Variants in DNAI7 observed in about 807,000 individuals in gnomAD.
The protein encoded by DNAI7 is dynein axonemal intermediate chain 7, also known as cancer susceptibility 1.
In DNAI7, 78 loss-of-function variants were observed where a neutral mutation model predicts 86.6. The observed-to-expected ratio is 0.90, with a 90% CI of 0.75 to 1.09. DNAI7 has a LOEUF of 1.09. DNAI7 is among the 50% of genes least tolerant of loss of function. The probability of loss-of-function intolerance (pLI) is 0.00; values close to 1 mark genes in which losing one functional copy is unlikely to be tolerated. For missense variants in DNAI7, 753 were observed against 810.2 expected, an observed-to-expected ratio of 0.93 and a Z score of 0.86; for synonymous variants, 274 against 273.0, an observed-to-expected ratio of 1.00 and a Z score of -0.04.
At chr12:25,136,689 C>G (rs908057199) in intron 9 of DNAI7, among the ~76,000 whole-genome samples, 3 of 151,968 alleles carry the variant, frequency 2.0e-5, no homozygotes, top group Admixed American at 2.0e-4. Flanking sequence ...AAAAAAATCT[C>G]CAGAGAAATA....
At chr12:25,135,855 C>G (rs1943486012) in intron 9 of DNAI7, among the ~76,000 whole-genome samples, 1 of 151,978 alleles carries the variant, frequency 6.6e-6, no homozygotes, top group African/African-American at 2.4e-5. Flanking sequence ...GCAACCCCCG[C>G]CCAAGGAGAG....
intron 12 of DNAI7, among the ~76,000 whole-genome samples, chr12:25,118,425 C>T (rs1477078958): frequency 6.6e-6 from 1 of 151,456 alleles, no homozygotes; most frequent in Non-Finnish European, 1.5e-5. Context: ...CACCACGCCC[C>T]GCTCATTTTC....
intron 3 of DNAI7, among the ~76,000 whole-genome samples, chr12:25,160,324 G>T (rs991223915): frequency 6.6e-6 from 1 of 152,134 alleles, no homozygotes; most frequent in African/African-American, 2.4e-5. Context: ...TCTCTTCAAA[G>T]AATTAATATG....
At chr12:25,150,529 G>A (rs10082745) in intron 6 of DNAI7, among the ~76,000 whole-genome samples, 6,381 of 148,554 alleles carry the variant, frequency 0.043, 452 homozygotes, top group African/African-American at 0.14. Flanking sequence ...GTGTGAACCC[G>A]GGAGGCGGAG....
chr12:25,116,936 CTTA>C (rs540537040), intron 12 of DNAI7, among the ~76,000 whole-genome samples: 5 of 151,980 alleles, frequency 3.3e-5, no homozygotes, highest in Non-Finnish European at 7.4e-5. Flanking sequence ...GGTTTTTTAA[CTTA>C]TTTTTTATTT....
intron 12 of DNAI7, among the ~76,000 whole-genome samples, chr12:25,118,315 G>GTA (rs1307077505): frequency 6.6e-6 from 1 of 151,976 alleles, no homozygotes; most frequent in African/African-American, 2.4e-5. Flanking sequence ...CCAGACTGGA[G>GTA]TACAGTGGCG....
chr12:25,133,154 A>ATT (rs74643470), intron 9 of DNAI7, among the ~76,000 whole-genome samples: 85 of 143,976 alleles, frequency 5.9e-4, no homozygotes, highest in Admixed American at 1.2e-3. Context: ...TAAAACTGTG[A>ATT]TTTTTTTTTT....
At chr12:25,134,352 C>CAT (rs766442145) in intron 9 of DNAI7, among the ~76,000 whole-genome samples, 2,420 of 91,140 alleles carry the variant, frequency 0.027, 94 homozygotes, top group African/African-American at 0.096. Context: ...CCTTGGCGTA[C>CAT]TTTTTTTTTT....
chr12:25,135,013 G>A (rs1017283093), intron 9 of DNAI7, among the ~76,000 whole-genome samples: 1 of 152,210 alleles, frequency 6.6e-6, no homozygotes, highest in Non-Finnish European at 1.5e-5. Context: ...AGAACAGTGA[G>A]TGTATGGAGA....
chr12:25,130,756 C>T (rs1475449347), intron 9 of DNAI7, among the ~76,000 whole-genome samples: 1 of 152,012 alleles, frequency 6.6e-6, no homozygotes, highest in Admixed American at 6.6e-5. Context: ...CACAAATGTG[C>T]TACACTTAAA....
rs1172754967 is a variant in DNAI7 at position 25,114,859 on chromosome 12, T to C, written c.1408A>G (p.Arg470Gly). The change falls in exon 13 of 16, where the codon AGA (arginine) becomes GGA (glycine). Residue 470 changes from arginine to glycine, a missense_variant. Physicochemically the swap from Arg to Gly is moderately radical, Grantham distance 125. Transcript: ENST00000395987. ...GATACATTGCTGATGCCATCAGTTCTCCAATGTTTACCTTTATAATTGATG... is the reference window on the plus strand; with the variant it reads ...GATACATTGCTGATGCCATCAGTTCCCCAATGTTTACCTTTATAATTGATG... ...VRWDAEGKHW[R>G]TDGISNVSYK... 1.7e-5 allele frequency: 27 copies of C among 1,611,386 alleles called. No homozygotes were observed. Among genetic ancestry groups the C allele is most frequent in the Non-Finnish European group, 2.3e-5 (27 of 1,177,646 alleles).
chr12:25,152,781 T>C (rs557128909), intron 6 of DNAI7, among the ~76,000 whole-genome samples: 1 of 152,292 alleles, frequency 6.6e-6, no homozygotes, highest in Admixed American at 6.5e-5. Flanking sequence ...CAGCACTGGA[T>C]CGAAGGACAC....
At chr12:25,125,563 G>A (rs1292647361) in intron 9 of DNAI7, among the ~76,000 whole-genome samples, 1 of 152,130 alleles carries the variant, frequency 6.6e-6, no homozygotes, top group African/African-American at 2.4e-5. Flanking sequence ...TCTGCAGGCT[G>A]TTTACTCTGT....
intron 13 of DNAI7, among the ~76,000 whole-genome samples, chr12:25,113,738 A>G (rs1398800087): frequency 6.6e-6 from 1 of 152,164 alleles, no homozygotes; most frequent in African/African-American, 2.4e-5. Flanking sequence ...TTTCAAGTGT[A>G]TAATTCAATG....
intron 6 of DNAI7, among the ~76,000 whole-genome samples, chr12:25,152,739 G>T (rs12227966): frequency 0.28 from 42,522 of 151,966 alleles, 6,869 homozygotes; most frequent in African/African-American, 0.46. Context: ...TTTGTGGGAC[G>T]GGGGTCTGCA....
chr12:25,159,129 A>G (rs1946550299), intron 3 of DNAI7, among the ~76,000 whole-genome samples: 1 of 152,234 alleles, frequency 6.6e-6, no homozygotes, highest in South Asian at 2.1e-4. Context: ...ATAAAGACAC[A>G]TGACTCCCAG....
chr12:25,120,879 G>GTCC (rs1941192420), intron 11 of DNAI7, among the ~76,000 whole-genome samples: 1 of 152,176 alleles, frequency 6.6e-6, no homozygotes, highest in South Asian at 2.1e-4. Flanking sequence ...GGCATCATGT[G>GTCC]GACTGGTGAT....
chr12:25,174,674 TATATCATATATATATGGAATATAG>T lies in DNAI7; in HGVS notation c.22-13501_22-13478del, dbSNP rs1565813496. ...ATAGATATCATATATATGGAATATA[TATATCATATATATATGGAATATAG>T]ATATCATACATATGGAATATATATA... is the stretch of plus-strand genomic sequence containing the variant. On this transcript the variant is annotated intron_variant, in intron 2 of 15. Coordinates refer to ENST00000395987, the MANE Select transcript of DNAI7 (RefSeq NM_018272.5). Among the ~76,000 whole-genome samples the T allele has an allele frequency of 2.2e-4, 14 of 64,650 alleles. 2 individuals are homozygous for T. The highest frequency in any genetic ancestry group is 9.1e-4 in the South Asian group (2 of 2,192). The allele number at this position is 64,650 out of a possible 152,430, so 42.4% of individuals were successfully genotyped here. A position where few individuals can be genotyped will look rare whatever the true frequency, so the allele number is the denominator to read the frequency against.
At chr12:25,156,925 A>G (rs745786162) in intron 4 of DNAI7, among the ~76,000 whole-genome samples, 2 of 152,170 alleles carry the variant, frequency 1.3e-5, no homozygotes, top group African/African-American at 2.4e-5. Context: ...TCAGAGGGTA[A>G]GATAGATCAA....
Sources: allele counts gnomAD v4.1 joint callset (sites outside exome capture counted in the v4.1 genomes callset), GRCh38; gene constraint gnomAD v4.1.1; transcripts MANE v1.5; gene names NCBI Gene and HGNC (gene_info 2026-07-23, HGNC 2026-07-21).